Variants in RAI1 observed in about 807,000 individuals in gnomAD.
RAI1 encodes retinoic acid induced 1, also known as retinoic acid-induced protein 1.
Under a neutral mutation model 123.8 loss-of-function variants are expected in RAI1, and 9 were observed. The observed-to-expected ratio is 0.07, with a 90% confidence interval of 0.04 to 0.13. The LOEUF is 0.13. Ranked by LOEUF, RAI1 falls within the 10% of genes least tolerant of loss-of-function variation. The probability of loss-of-function intolerance (pLI) is 1.00; values close to 1 mark genes in which losing one functional copy is unlikely to be tolerated. For synonymous variants in RAI1, 1,231 were observed against 1,127.3 expected (o/e 1.09, Z -1.84); for missense variants, 2,256 against 2,545.8 (o/e 0.89, Z 2.45).
intron 2 of RAI1, chr17:17,779,032 G>C (rs777586937): frequency 8.0e-5 from 31 of 388,140 alleles, no homozygotes; most frequent in Middle Eastern, 7.3e-4. Flanking sequence ...CTGGACGCCA[G>C]GCCCAGTTGC....
intron 2 of RAI1, among the ~76,000 whole-genome samples, chr17:17,738,452 G>A (rs1377698560): frequency 2.0e-5 from 3 of 152,060 alleles, no homozygotes; most frequent in Non-Finnish European, 4.4e-5. Flanking sequence ...CGGCTGCTGC[G>A]GTCAGGCTGG....
intron 1 of RAI1, among the ~76,000 whole-genome samples, chr17:17,694,258 A>C (rs377471252): frequency 2.4e-4 from 36 of 152,214 alleles, no homozygotes; most frequent in African/African-American, 8.4e-4. Flanking sequence ...CCTGGGGTGT[A>C]GGTGGGCAGA....
At chr17:17,735,608 C>T (rs1916409426) in intron 2 of RAI1, among the ~76,000 whole-genome samples, 1 of 152,178 alleles carries the variant, frequency 6.6e-6, no homozygotes. Context: ...CCACCTGCCT[C>T]AGCCTCCCAA....
chr17:17,695,361 GC>G (rs1032667630), intron 1 of RAI1, among the ~76,000 whole-genome samples: 26 of 152,112 alleles, frequency 1.7e-4, no homozygotes, highest in African/African-American at 5.8e-4. Context: ...GGACTGTCTG[GC>G]TGGGAGGCAC....
Position 17,797,021 on chromosome 17 carries a change from G to A in RAI1, c.4073G>A (p.Ser1358Asn). 1.2e-6 allele frequency: 2 copies of A among 1,613,906 alleles called. No individual in the cohort carries two copies. Among genetic ancestry groups the A allele is most frequent in the South Asian group, 1.1e-5 (1 of 91,084 alleles). Residue 1358 changes from serine (S) to asparagine (N), a missense_variant, in exon 3 of 6, where the codon AGC becomes AAC. Ser to Asn is a conservative substitution (Grantham distance 46). Coordinates refer to ENST00000353383, the MANE Select transcript of RAI1 (RefSeq NM_030665.4). ...APGASPGNPLSPSLSDKDRGL... is the reference protein window; with the variant it reads ...APGASPGNPLNPSLSDKDRGL... ...GGGGCCTCTCCTGGTAATCCTCTGA[G>A]CCCATCCCTTTCCGACAAAGACCGT... is the stretch of plus-strand genomic sequence containing the variant.
Position 17,809,524 on chromosome 17 carries a change from C to T in RAI1, c.5709+85C>T, listed in dbSNP as rs1217207336. On this transcript the variant is annotated intron_variant, in intron 5 of 5. Coordinates refer to ENST00000353383, the MANE Select transcript of RAI1 (RefSeq NM_030665.4). The surrounding 1 kb of genome is among the most constrained non-coding windows in gnomAD (Gnocchi z 4.9). ...CGCACCTCCTTCACAGTCCCCTGGG[C>T]CCCCTTGGCTGCGCAGCCCCGCAGG... The T allele has an allele frequency of 7.0e-7, 1 of 1,423,048 alleles. No individual in the cohort carries two copies. Among genetic ancestry groups the T allele is most frequent in the Non-Finnish European group, 9.9e-7 (1 of 1,012,040 alleles). The allele number at this position is 1,423,048 out of a possible 1,614,324, so 88.2% of individuals were successfully genotyped here. A position where few individuals can be genotyped will look rare whatever the true frequency, so the allele number is the denominator to read the frequency against.
At chr17:17,718,655 C>G (rs1320432655) in intron 1 of RAI1, among the ~76,000 whole-genome samples, 2 of 151,830 alleles carry the variant, frequency 1.3e-5, no homozygotes, top group African/African-American at 4.9e-5. Context: ...GGAGACAAAA[C>G]CGGATCCATG....
chr17:17,768,011 G>A (rs2031006939), intron 2 of RAI1, among the ~76,000 whole-genome samples: 1 of 152,206 alleles, frequency 6.6e-6, no homozygotes, highest in Admixed American at 6.5e-5. Context: ...TGGTTGTGAT[G>A]GTTCATTGGC....
chr17:17,707,603 G>A (rs1915433250), intron 1 of RAI1, among the ~76,000 whole-genome samples: 1 of 152,128 alleles, frequency 6.6e-6, no homozygotes, highest in Admixed American at 6.5e-5. Context: ...AAGACTGTTT[G>A]TTTATTTGAG....
intron 3 of RAI1, chr17:17,802,241 T>C: frequency 2.2e-6 from 1 of 460,044 alleles, no homozygotes; most frequent in South Asian, 1.6e-5. Context: ...CAGATTTACA[T>C]GAAGTCAGCC....
chr17:17,754,482 T>A (rs139983990), intron 2 of RAI1, among the ~76,000 whole-genome samples: 1,976 of 152,276 alleles, frequency 0.013, 42 homozygotes, highest in African/African-American at 0.043. Flanking sequence ...GTGATCCGCC[T>A]GCCTCGGCCT....
chr17:17,803,675 T>G, intron 3 of RAI1, 81 bp from the exon 4 acceptor site: 5 of 1,341,856 alleles, frequency 3.7e-6, no homozygotes, highest in Non-Finnish European at 5.4e-6. Context: ...CATGAGCCAC[T>G]GCACCTGGCC....
chr17:17,773,122 G>A (rs1195484754), intron 2 of RAI1, among the ~76,000 whole-genome samples: 1 of 151,540 alleles, frequency 6.6e-6, no homozygotes, highest in Non-Finnish European at 1.5e-5. Context: ...AATAATAGAT[G>A]GGTGGACTGT....
chr17:17,741,731 G>A (rs954704670), intron 2 of RAI1, among the ~76,000 whole-genome samples: 3 of 152,358 alleles, frequency 2.0e-5, no homozygotes, highest in Non-Finnish European at 4.4e-5. Flanking sequence ...TCCCCGAGGT[G>A]GTTCTAAAAA....
At chr17:17,755,891 A>C (rs1319092407) in intron 2 of RAI1, among the ~76,000 whole-genome samples, 1 of 151,654 alleles carries the variant, frequency 6.6e-6, no homozygotes, top group Non-Finnish European at 1.5e-5. Context: ...TGCACACATC[A>C]CCCTTCCCTA....
chr17:17,691,551 A>T (rs1192507922), intron 1 of RAI1, among the ~76,000 whole-genome samples: 3 of 152,260 alleles, frequency 2.0e-5, no homozygotes, highest in Non-Finnish European at 4.4e-5. Flanking sequence ...AGGTCTTTCC[A>T]GCTGAGGGCA....
chr17:17,797,353 C>G lies in RAI1; in HGVS notation c.4405C>G (p.Leu1469Val). The change falls in exon 3 of 6, where the codon CTT (leucine) becomes GTT (valine). Residue 1469 changes from leucine (L) to valine (V), a missense_variant. Transcript: ENST00000353383. ...SKGPLEKRPY[L>V]GPALLLTPRD... is the part of the protein sequence containing the mutation. ...AGGCCCGCTGGAGAAGCGGCCCTATCTTGGCCCGGCTCTGCTCCTGACTCC... is the reference window on the plus strand; with the variant it reads ...AGGCCCGCTGGAGAAGCGGCCCTATGTTGGCCCGGCTCTGCTCCTGACTCC... The G allele has an allele frequency of 6.2e-7, 1 of 1,612,400 alleles. No individual in the cohort carries two copies. Among genetic ancestry groups the G allele is most frequent in the East Asian group, 2.2e-5 (1 of 44,856 alleles).
intron 2 of RAI1, among the ~76,000 whole-genome samples, chr17:17,758,124 C>A (rs1027460971): frequency 1.3e-5 from 2 of 152,180 alleles, no homozygotes; most frequent in Non-Finnish European, 2.9e-5. Context: ...CAGTAAATTC[C>A]CCCTCCGAGC....
chr17:17,745,085 T>C (rs927961671), intron 2 of RAI1, among the ~76,000 whole-genome samples: 3 of 151,904 alleles, frequency 2.0e-5, no homozygotes, highest in Non-Finnish European at 2.9e-5. Context: ...AAAGTGATGA[T>C]GGAAGAGGGT....
Sources: gnomAD v4.1 joint callset for allele counts (sites outside exome capture counted in the v4.1 genomes callset) on GRCh38, gnomAD v4.1.1 for gene constraint, Gnocchi (gnomAD v3.1) non-coding constraint, MANE v1.5 for transcripts, NCBI Gene and HGNC (gene_info 2026-07-23, HGNC 2026-07-21) for gene names.